SPEF2: variants seen among roughly 807,000 people sequenced by gnomAD.
SPEF2 encodes sperm flagella and cilia-associated protein 2.
Under a neutral mutation model 224.6 loss-of-function variants are expected in SPEF2, and 187 were observed. The observed-to-expected ratio is 0.83, with a 90% CI of 0.74 to 0.94. SPEF2 has a LOEUF of 0.94. Ranked by LOEUF, SPEF2 falls within the 40% of genes least tolerant of loss-of-function variation. The pLI, the probability that SPEF2 is intolerant of heterozygous loss-of-function variation, is 0.00. For synonymous variants in SPEF2, 715 were observed against 707.3 expected, an observed-to-expected ratio of 1.01 and a Z score of -0.17; for missense variants, 2,170 against 2,135.6, an observed-to-expected ratio of 1.02 and a Z score of -0.32.
intron 10 of SPEF2, chr5:35,670,660 A>G: frequency 1.0e-6 from 1 of 985,990 alleles, no homozygotes; most frequent in Non-Finnish European, 1.2e-6. Context: ...TATGAATAGC[A>G]TAGATTCAAA....
At chr5:35,786,063 C>G (rs1228417590) in intron 30 of SPEF2, among the ~76,000 whole-genome samples, 2 of 152,214 alleles carry the variant, frequency 1.3e-5, no homozygotes, top group Non-Finnish European at 2.9e-5. Context: ...TTAACCACTA[C>G]AGCCCAGAGT....
intron 19 of SPEF2, among the ~76,000 whole-genome samples, chr5:35,711,221 A>G (rs879588957): frequency 8.5e-5 from 13 of 152,212 alleles, no homozygotes; most frequent in Non-Finnish European, 7.3e-5. Flanking sequence ...AAAAAACCAA[A>G]TGAAATTTTA....
chr5:35,722,418 G>A (rs184066757), intron 20 of SPEF2, among the ~76,000 whole-genome samples: 156 of 151,686 alleles, frequency 1.0e-3, no homozygotes, highest in Admixed American at 2.7e-3. Context: ...ACCCTCAGAA[G>A]TCCAAGGATG....
chr5:35,786,632 C>T (rs537552969), intron 30 of SPEF2, among the ~76,000 whole-genome samples: 2 of 151,992 alleles, frequency 1.3e-5, no homozygotes, highest in Non-Finnish European at 2.9e-5. Flanking sequence ...TGGACTCCAG[C>T]CCTGGGCGAC....
chr5:35,669,646 T>G (rs934206316), intron 9 of SPEF2, among the ~76,000 whole-genome samples: 3 of 152,118 alleles, frequency 2.0e-5, no homozygotes, highest in Non-Finnish European at 2.9e-5. Context: ...TCTTTTCACT[T>G]TTTTATTGAC....
chr5:35,710,043 G>T (rs959421044), intron 19 of SPEF2: 4 of 979,368 alleles, frequency 4.1e-6, no homozygotes, highest in Non-Finnish European at 4.9e-6. Flanking sequence ...GAAGACTTTA[G>T]TAAGATATAT....
intron 10 of SPEF2, among the ~76,000 whole-genome samples, chr5:35,680,624 GA>G (rs886653615): frequency 3.3e-5 from 5 of 152,114 alleles, no homozygotes; most frequent in South Asian, 2.1e-4. Flanking sequence ...GTAGGGATGA[GA>G]AAAAAACCAT....
intron 33 of SPEF2, among the ~76,000 whole-genome samples, chr5:35,798,140 T>G (rs545685543): frequency 4.6e-5 from 7 of 152,278 alleles, no homozygotes; most frequent in Admixed American, 2.0e-4. Context: ...TGCAACGGCC[T>G]CGTGATAGGT....
chr5:35,708,599 C>T (rs1740342992), intron 18 of SPEF2, among the ~76,000 whole-genome samples: 2 of 152,182 alleles, frequency 1.3e-5, no homozygotes, highest in Non-Finnish European at 2.9e-5. Context: ...ACCATCCCCA[C>T]CACAGACTTC....
Position 35,733,334 on chromosome 5 carries a change from G to A in SPEF2, c.3063+5511G>A, listed in dbSNP as rs7734415. On this transcript the variant is annotated intron_variant, in intron 21 of 36. Transcript: ENST00000356031. ...TTTTACCGTGTTAGCCAGGATGGTC[G>A]CGATCTCCTCACCTCGTGATCCACC... 3.3e-5 allele frequency among the ~76,000 whole-genome samples: 5 copies of A among 152,120 alleles called. No homozygotes were observed. In the East Asian group the frequency reaches 9.7e-4, roughly 30 times the overall value.
chr5:35,747,162 G>A (rs1748668286), intron 23 of SPEF2, among the ~76,000 whole-genome samples: 1 of 152,028 alleles, frequency 6.6e-6, no homozygotes, highest in Non-Finnish European at 1.5e-5. Flanking sequence ...ACAAGAAAAA[G>A]GAGCTCTAAA....
intron 16 of SPEF2, among the ~76,000 whole-genome samples, chr5:35,703,772 C>G (rs1739179409): frequency 6.6e-6 from 1 of 152,176 alleles, no homozygotes; most frequent in South Asian, 2.1e-4. Flanking sequence ...CATTTTAAAG[C>G]ATCATTCTGT....
chr5:35,811,823 G>A (rs1758554158), intron 36 of SPEF2, among the ~76,000 whole-genome samples: 1 of 149,466 alleles, frequency 6.7e-6, no homozygotes, highest in Non-Finnish European at 1.5e-5. Context: ...AGGCTGGAGG[G>A]TTGGATTGCT....
intron 26 of SPEF2, chr5:35,764,507 C>T: frequency 2.2e-6 from 1 of 452,912 alleles, no homozygotes; most frequent in South Asian, 1.6e-5. Context: ...CAGAATTTAA[C>T]TCAGGTGATC....
At chr5:35,725,808 T>C (rs866709162) in intron 20 of SPEF2, among the ~76,000 whole-genome samples, 1 of 152,218 alleles carries the variant, frequency 6.6e-6, no homozygotes, top group African/African-American at 2.4e-5. Context: ...TTATTTATAC[T>C]CATTGCAGTG....
Position 35,697,316 on chromosome 5 carries a change from G to A in SPEF2, c.2038-374G>A, listed in dbSNP as rs1755474587. Among the ~76,000 whole-genome samples, 4 of 152,214 alleles carry A rather than the reference G, an allele frequency of 2.6e-5. No individual in the cohort carries two copies. The South Asian group carries it at 6.2e-4, about 24-fold the overall frequency. On this transcript the variant is annotated intron_variant, in intron 14 of 36. Coordinates refer to ENST00000356031, the MANE Select transcript of SPEF2 (RefSeq NM_024867.4). ...CTGTGGAATTTGACCATGGAAAGAT[G>A]AGAACTTCACTGGTCAAGGGCCATG...
At chr5:35,661,268 ATATATAT>A (rs1749677989) in intron 8 of SPEF2, among the ~76,000 whole-genome samples, 2 of 24,340 alleles carry the variant, frequency 8.2e-5, no homozygotes, top group East Asian at 2.4e-3. Context: ...ATATATATAT[ATATATAT>A]ATATATATAT....
chr5:35,700,776 ACT>A (rs1167410586), intron 16 of SPEF2, 24 bp downstream of exon 16: 5 of 1,607,248 alleles, frequency 3.1e-6, no homozygotes, highest in Non-Finnish European at 4.3e-6. Context: ...CTTTTTTGAC[ACT>A]CTTTTTACAA....
intron 28 of SPEF2, among the ~76,000 whole-genome samples, chr5:35,774,537 G>A (rs925089329): frequency 2.0e-5 from 3 of 152,148 alleles, no homozygotes; most frequent in South Asian, 2.1e-4. Flanking sequence ...TATGTTCAGA[G>A]GTGTTCTTCT....
Sources: allele counts gnomAD v4.1 joint callset (sites outside exome capture counted in the v4.1 genomes callset), GRCh38; gene constraint gnomAD v4.1.1; transcripts MANE v1.5; gene names NCBI Gene and HGNC (gene_info 2026-07-23, HGNC 2026-07-21).